The following PCNX2 variants were observed in gnomAD, a reference collection of about 807,000 sequenced individuals.
PCNX2 encodes pecanex 2, also known as pecanex-like protein 2.
Under a neutral mutation model 223.8 loss-of-function variants are expected in PCNX2, and 168 were observed. The ratio of observed to expected loss-of-function variants is 0.75; its 90% CI spans 0.66 to 0.85. The LOEUF (loss-of-function observed/expected upper bound fraction) is 0.85, where lower values mean the gene tolerates loss of function less well. PCNX2 is among the 40% of genes least tolerant of loss of function. PCNX2 has a pLI of 0.00. For missense variants in PCNX2, 2,507 were observed against 2,675.5 expected, an observed-to-expected ratio of 0.94 and a Z score of 1.39; for synonymous variants, 1,006 against 1,052.6, an observed-to-expected ratio of 0.96 and a Z score of 0.86.
intron 1 of PCNX2, among the ~76,000 whole-genome samples, chr1:233,282,940 C>T (rs1486621749): frequency 6.6e-6 from 1 of 151,516 alleles, no homozygotes; most frequent in Non-Finnish European, 1.5e-5. Flanking sequence ...AAAGATGAAC[C>T]AAAAAATAAT....
chr1:233,301,349 G>A, the PCNX2 span, among the ~76,000 whole-genome samples: 2 of 152,158 alleles, frequency 1.3e-5, no homozygotes, highest in Non-Finnish European at 2.9e-5. Flanking sequence ...AAAAGAGAAT[G>A]TTGACCATTA....
At chr1:233,319,255 C>T in the PCNX2 span, among the ~76,000 whole-genome samples, 1 of 152,304 alleles carries the variant, frequency 6.6e-6, no homozygotes, top group South Asian at 2.1e-4. Flanking sequence ...ACTACTGAAG[C>T]TGAATTTGTA....
At chr1:233,178,981 G>T in intron 16 of PCNX2, 85 bp downstream of exon 16, 3 of 1,175,284 alleles carry the variant, frequency 2.6e-6, no homozygotes, top group Non-Finnish European at 3.7e-6. Context: ...GTGAATTGCT[G>T]TCTGCCCATC....
intron 25 of PCNX2, among the ~76,000 whole-genome samples, chr1:233,032,543 A>G (rs1375257646): frequency 1.3e-5 from 2 of 151,950 alleles, no homozygotes; most frequent in Non-Finnish European, 2.9e-5. Context: ...TCTTCTATCC[A>G]GTTCTACCAT....
intron 26 of PCNX2, chr1:233,018,993 C>A: frequency 1.0e-6 from 1 of 985,388 alleles, no homozygotes; most frequent in Non-Finnish European, 1.2e-6. Context: ...CTAGGGGGGC[C>A]CCCACCCTCC....
chr1:233,282,532 T>C lies in PCNX2; in HGVS notation c.153+12794A>G, dbSNP rs1661244566. ...CTTCATCTCAGTCAGTGGCACCTCA[T>C]ACGCCTCTGGTTCAAACCAGATAAT... On this transcript the variant is annotated intron_variant, in intron 1 of 33. Transcript: ENST00000258229. Among the ~76,000 whole-genome samples, 4 of 152,188 alleles carry C rather than the reference T, an allele frequency of 2.6e-5. No homozygotes were observed. In the South Asian group the frequency reaches 8.3e-4, roughly 32 times the overall value.
chr1:233,076,151 T>C (rs1413709883), intron 23 of PCNX2, among the ~76,000 whole-genome samples: 2 of 152,216 alleles, frequency 1.3e-5, no homozygotes, highest in Non-Finnish European at 2.9e-5. Context: ...TTTGACTGAT[T>C]TAAGGTTTCG....
upstream of PCNX2, among the ~76,000 whole-genome samples, chr1:233,298,883 A>AAAAC (rs146968053): frequency 0.23 from 34,557 of 151,452 alleles, 4,923 homozygotes; most frequent in East Asian, 0.41. Context: ...CTGCATCTCA[A>AAAAC]AAACAAACAA....
intron 21 of PCNX2, among the ~76,000 whole-genome samples, chr1:233,106,585 C>T (rs1674797672): frequency 6.6e-6 from 1 of 151,938 alleles, no homozygotes; most frequent in East Asian, 1.9e-4. Context: ...ATCTCCTTAC[C>T]TCGTGATCCG....
In PCNX2 at chr1:233,049,558, G is replaced by A. The variant is rs549591018; in HGVS notation, c.4351+4710C>T. Among the ~76,000 whole-genome samples the A allele has an allele frequency of 5.7e-4, 86 of 152,202 alleles. No individual in the cohort carries two copies. In the South Asian group the frequency reaches 8.5e-3, roughly 15 times the overall value. ...CCCCTTGAAACCAGAACAAGACAAGGATGCCCACTCTTATCACTCCTATTC... is the reference window on the plus strand; with the variant it reads ...CCCCTTGAAACCAGAACAAGACAAGAATGCCCACTCTTATCACTCCTATTC... On this transcript the variant is annotated intron_variant, in intron 25 of 33. Transcript: ENST00000258229.
At chr1:233,207,495 A>T (rs1235946365) in intron 13 of PCNX2, among the ~76,000 whole-genome samples, 1 of 152,226 alleles carries the variant, frequency 6.6e-6, no homozygotes, top group Non-Finnish European at 1.5e-5. Context: ...TTCTCAGAGC[A>T]TATGCCGTCG....
intron 10 of PCNX2, among the ~76,000 whole-genome samples, chr1:233,220,768 C>G (rs1053388221): frequency 6.6e-6 from 1 of 152,060 alleles, no homozygotes; most frequent in Non-Finnish European, 1.5e-5. Flanking sequence ...GAATCTAATG[C>G]TGACACCTGA....
intron 26 of PCNX2, among the ~76,000 whole-genome samples, chr1:233,023,333 C>A (rs1202923959): frequency 6.6e-6 from 1 of 152,208 alleles, no homozygotes; most frequent in African/African-American, 2.4e-5. Flanking sequence ...ACTTTCCAGA[C>A]CCTCTTCCAG....
chr1:233,101,140 G>C (rs1277210292), intron 21 of PCNX2, among the ~76,000 whole-genome samples: 7 of 152,158 alleles, frequency 4.6e-5, no homozygotes, highest in Non-Finnish European at 1.5e-5. Context: ...ATTGAGGAGG[G>C]AGCCCAGCTG....
chr1:233,136,286 G>T (rs1676796097), intron 20 of PCNX2, among the ~76,000 whole-genome samples: 1 of 152,192 alleles, frequency 6.6e-6, no homozygotes, highest in Non-Finnish European at 1.5e-5. Context: ...GAAAACTGGG[G>T]CCATGCCTCA....
Position 233,199,095 on chromosome 1 carries a change from CAG to C in PCNX2, c.2975-67_2975-66del. The C allele has an allele frequency of 2.1e-6, 3 of 1,422,318 alleles. No individual in the cohort carries two copies. In the South Asian group the frequency reaches 3.9e-5, roughly 18 times the overall value. 88.1% of individuals were successfully genotyped at this position (1,422,318 alleles called of 1,614,324 possible). A position where few individuals can be genotyped will look rare whatever the true frequency, so the allele number is the denominator to read the frequency against. ...ATTCTTAAAATCAACAAATGTAAAA[CAG>C]TGAAGAGATGGTTGCACATTCGCAT... On this transcript the variant is annotated intron_variant, in intron 14 of 33. Transcript: ENST00000258229.
intron 19 of PCNX2, among the ~76,000 whole-genome samples, chr1:233,150,252 TC>T (rs1677720067): frequency 6.6e-6 from 1 of 152,166 alleles, no homozygotes; most frequent in Admixed American, 6.5e-5. Flanking sequence ...AGCTGGTGCT[TC>T]CCCACAGTGG....
At chr1:233,230,783 T>C (rs975334490) in intron 9 of PCNX2, among the ~76,000 whole-genome samples, 8 of 152,210 alleles carry the variant, frequency 5.3e-5, no homozygotes, top group African/African-American at 1.9e-4. Context: ...TTTAATGAAT[T>C]TGAATTATCA....
At chr1:233,051,185 C>T (rs1335185843) in intron 25 of PCNX2, among the ~76,000 whole-genome samples, 3 of 151,616 alleles carry the variant, frequency 2.0e-5, no homozygotes, top group Non-Finnish European at 4.4e-5. Flanking sequence ...ACACAAAACA[C>T]AAAACAATAG....
Sources: allele counts gnomAD v4.1 joint callset (sites outside exome capture counted in the v4.1 genomes callset), GRCh38; gene constraint gnomAD v4.1.1; transcripts MANE v1.5; gene names NCBI Gene and HGNC (gene_info 2026-07-23, HGNC 2026-07-21).